ATF7IP2: variants seen among roughly 807,000 people sequenced by gnomAD.
ATF7IP2 encodes activating transcription factor 7-interacting protein 2.
ATF7IP2 carries 42 observed loss-of-function variants against 64.2 expected under a neutral mutation model. The ratio of observed to expected loss-of-function variants is 0.65; its 90% CI spans 0.51 to 0.85. The LOEUF is 0.85. Ranked by LOEUF, ATF7IP2 falls within the 40% of genes least tolerant of loss-of-function variation. The pLI is 0.00. For missense variants in ATF7IP2, 933 were observed against 784.2 expected, an observed-to-expected ratio of 1.19 and a Z score of -2.27; for synonymous variants, 308 against 272.8, an observed-to-expected ratio of 1.13 and a Z score of -1.27.
At chr16:10,480,227 T>C (rs534654340) in intron 12 of ATF7IP2, among the ~76,000 whole-genome samples, 7 of 152,148 alleles carry the variant, frequency 4.6e-5, no homozygotes, top group African/African-American at 1.4e-4. Context: ...CCTCAAGTCA[T>C]CTGCGTCCTA....
intron 8 of ATF7IP2, chr16:10,447,071 G>GC (rs370215173): frequency 6.6e-6 from 1 of 152,192 alleles, no homozygotes; most frequent in Non-Finnish European, 1.5e-5. Context: ...CCCCCAAAGG[G>GC]CCGCCATAAG....
intron 1 of ATF7IP2, among the ~76,000 whole-genome samples, chr16:10,388,714 T>TA (rs1567418317): frequency 1.3e-5 from 2 of 152,144 alleles, no homozygotes; most frequent in African/African-American, 4.8e-5. Flanking sequence ...ACTGAAGATA[T>TA]AAAAAATATT....
chr16:10,401,107 C>T (rs989338091), intron 1 of ATF7IP2, among the ~76,000 whole-genome samples: 12 of 152,080 alleles, frequency 7.9e-5, no homozygotes, highest in East Asian at 5.8e-4. Context: ...TATTGATTTG[C>T]GTGTGTAGAA....
At chr16:10,479,958 C>CTTTTTTTTTTTTTTTT (rs201158427) in intron 12 of ATF7IP2, among the ~76,000 whole-genome samples, 3 of 80,568 alleles carry the variant, frequency 3.7e-5, no homozygotes, top group Non-Finnish European at 7.3e-5. Context: ...ACTGGAAATA[C>CTTTTTTTTTTTTTTTT]TTTTTTTTTT....
chr16:10,425,641 C>G (rs996482705), intron 3 of ATF7IP2, among the ~76,000 whole-genome samples: 1 of 151,966 alleles, frequency 6.6e-6, no homozygotes, highest in Non-Finnish European at 1.5e-5. Context: ...CATCTGTAAT[C>G]CCAGCACTTT....
intron 1 of ATF7IP2, among the ~76,000 whole-genome samples, chr16:10,403,785 T>C (rs1288955139): frequency 1.3e-5 from 2 of 152,180 alleles, no homozygotes; most frequent in East Asian, 1.9e-4. Context: ...AACAGAACTT[T>C]ATGGCAATGA....
intron 8 of ATF7IP2, chr16:10,446,736 G>A (rs1053443635): frequency 2.0e-5 from 3 of 152,086 alleles, no homozygotes; most frequent in Middle Eastern, 3.2e-3. Context: ...CTATCAGGGG[G>A]AATGTTATTG....
intron 10 of ATF7IP2, 81 bp from the exon 11 acceptor site, chr16:10,473,398 A>C: frequency 1.2e-6 from 1 of 848,590 alleles, no homozygotes; most frequent in Non-Finnish European, 2.0e-6. Flanking sequence ...TAGCATCCCT[A>C]TTATTTTGTT....
chr16:10,453,629 T>G (rs751094431), intron 8 of ATF7IP2, among the ~76,000 whole-genome samples: 1 of 152,204 alleles, frequency 6.6e-6, no homozygotes, highest in East Asian at 1.9e-4. Context: ...GTTTATTTAT[T>G]TTTTTGAGAT....
intron 9 of ATF7IP2, among the ~76,000 whole-genome samples, chr16:10,464,449 TTC>T (rs1446501005): frequency 2.0e-5 from 3 of 152,158 alleles, no homozygotes; most frequent in African/African-American, 7.2e-5. Context: ...GTTTAAGCAT[TTC>T]TGTTTTTAAA....
At chr16:10,452,147 A>G (rs1225371408) in intron 8 of ATF7IP2, among the ~76,000 whole-genome samples, 1 of 152,000 alleles carries the variant, frequency 6.6e-6, no homozygotes, top group Non-Finnish European at 1.5e-5. Context: ...TTCTCCGTCC[A>G]GTTTTGGTCT....
chr16:10,465,370 A>G (rs1335808935), intron 9 of ATF7IP2, among the ~76,000 whole-genome samples: 1 of 152,022 alleles, frequency 6.6e-6, no homozygotes, highest in Non-Finnish European at 1.5e-5. Context: ...GGTAAACTAC[A>G]AGTAGATAAC....
At chr16:10,452,562 C>T (rs893030798) in intron 8 of ATF7IP2, among the ~76,000 whole-genome samples, 2 of 152,256 alleles carry the variant, frequency 1.3e-5, no homozygotes, top group Admixed American at 6.5e-5. Context: ...AGGTGTCTCC[C>T]AGTCAGGATA....
At chr16:10,419,357 T>C (rs577347339) in intron 2 of ATF7IP2, among the ~76,000 whole-genome samples, 2 of 152,246 alleles carry the variant, frequency 1.3e-5, no homozygotes, top group East Asian at 1.9e-4. Flanking sequence ...GCCTCTATTA[T>C]CTGTAGGACC....
chr16:10,482,239 A>ATCTT lies in ATF7IP2; in HGVS notation c.2040_2043dup (p.Thr682SerfsTer7), dbSNP rs1373838386. ...AAATCTATCCCTGGGTTTTCTGAAA[A>ATCTT]TCTTACGTAAAAGGTGTTTAATAAT... On this transcript the variant is annotated frameshift_variant, in exon 14 of 14. Transcript: ENST00000562102. LOFTEE classifies it high-confidence loss of function. 5.1e-6 allele frequency: 8 copies of ATCTT among 1,579,288 alleles called. No homozygotes were observed. The highest frequency in any genetic ancestry group is 6.9e-6 in the Non-Finnish European group (8 of 1,165,882).
rs1450396440 is a variant in ATF7IP2, at chr16:10,393,899, G to C, written c.-242+7777G>C. ...CTACAAAAAAATTTTAAAATTAGCT[G>C]AGTGTGATGGCACATACGTGTAGTC... On this transcript the variant is annotated intron_variant, in intron 1 of 13. Transcript: ENST00000562102. Among the ~76,000 whole-genome samples the C allele has an allele frequency of 3.9e-5, 6 of 152,270 alleles. No homozygotes were observed. In the South Asian group the frequency reaches 6.2e-4, roughly 16 times the overall value.
chr16:10,448,513 A>G (rs2048883696), intron 8 of ATF7IP2: 2 of 152,020 alleles, frequency 1.3e-5, no homozygotes, highest in African/African-American at 2.4e-5. Context: ...ATTCCTAGGT[A>G]TTCTCTTTGT....
intron 7 of ATF7IP2, among the ~76,000 whole-genome samples, chr16:10,439,299 G>T (rs1303074687): frequency 2.0e-5 from 3 of 151,040 alleles, no homozygotes; most frequent in Non-Finnish European, 4.4e-5. Context: ...GCGCGATCTC[G>T]GCTCACTGCA....
intron 11 of ATF7IP2, 133 bp from the exon 12 acceptor site, chr16:10,473,790 G>C: frequency 1.5e-6 from 1 of 649,190 alleles, no homozygotes; most frequent in Non-Finnish European, 2.6e-6. Context: ...AAGAGACTTA[G>C]AGAATGTTCC....
Sources: allele counts gnomAD v4.1 joint callset (sites outside exome capture counted in the v4.1 genomes callset), GRCh38; gene constraint gnomAD v4.1.1; transcripts MANE v1.5; gene names NCBI Gene and HGNC (gene_info 2026-07-23, HGNC 2026-07-21).